TBL1XR1: variants seen among roughly 807,000 people sequenced by gnomAD.
TBL1XR1 encodes the protein TBL1X/Y related 1, also known as F-box-like/WD repeat-containing protein TBL1XR1.
TBL1XR1 carries 5 observed loss-of-function variants against 66.9 expected under a neutral mutation model. That is an observed-to-expected ratio of 0.07 (90% confidence interval 0.04 to 0.16). The LOEUF is 0.16. TBL1XR1 is among the 10% of genes least tolerant of loss of function. TBL1XR1 has a pLI of 1.00. For synonymous variants in TBL1XR1, 210 were observed against 206.0 expected (o/e 1.02, Z -0.17); for missense variants, 238 against 623.2 (o/e 0.38, Z 6.58).
At chr3:177,084,891 T>C (rs929948372) in intron 2 of TBL1XR1, among the ~76,000 whole-genome samples, 16 of 152,224 alleles carry the variant, frequency 1.1e-4, no homozygotes, top group African/African-American at 3.9e-4. Context: ...CCAGAAATTG[T>C]AGTTACTATT....
At chr3:177,150,733 G>A (rs1018631973) in intron 1 of TBL1XR1, among the ~76,000 whole-genome samples, 4 of 152,154 alleles carry the variant, frequency 2.6e-5, no homozygotes, top group South Asian at 2.1e-4. Context: ...CTGTTTAGGT[G>A]CCATGCAGCT....
At chr3:177,167,572 G>A (rs1040349773) in intron 1 of TBL1XR1, among the ~76,000 whole-genome samples, 2 of 152,168 alleles carry the variant, frequency 1.3e-5, no homozygotes, top group Non-Finnish European at 2.9e-5. Context: ...ACGAGGCAGA[G>A]GGTATGGAAA....
rs113422619 is a variant in TBL1XR1, at chr3:177,184,627, T to A, written c.-122+12494A>T. Among the ~76,000 whole-genome samples, 7,290 of 151,936 alleles carry A rather than the reference T, an allele frequency of 0.048. 780 individuals carry two copies. The East Asian group carries it at 0.49, about 10-fold the overall frequency. On this transcript the variant is annotated intron_variant, in intron 1 of 15. Transcript: ENST00000457928. The stretch of plus-strand genomic sequence containing the variant: ...GACCAGCTTGTCCAACATGGTGAAA[T>A]CCCGTCTCTACTAAAAATACAAAAT...
At position 177,038,107 on chromosome 3, in the gene TBL1XR1, C is replaced by A; in HGVS notation, c.1113G>T (p.Met371Ile). The A allele has an allele frequency of 6.2e-7, 1 of 1,612,286 alleles. No homozygotes were observed. The highest frequency in any genetic ancestry group is 1.1e-5 in the South Asian group (1 of 90,976). The change falls in exon 12 of 16, where the codon ATG becomes ATT. Residue 371 changes from methionine (M) to isoleucine (I), a missense_variant. This residue lies in a region of TBL1XR1 where 89 missense variants were observed against 220.2 expected (regional missense o/e 0.40). Transcript: ENST00000457928. ...GNLLASCSDDMTLKIWSMKQD... is the reference protein window; with the variant it reads ...GNLLASCSDDITLKIWSMKQD... The stretch of plus-strand genomic sequence containing the variant: ...CTACTAAGCAAATTACCTTTAAAGT[C>A]ATGTCGTCAGAACAGGAGGCCAAGA...
At chr3:177,052,390 A>G (rs1237533887) in intron 4 of TBL1XR1, among the ~76,000 whole-genome samples, 1 of 152,234 alleles carries the variant, frequency 6.6e-6, no homozygotes, top group Non-Finnish European at 1.5e-5. Context: ...GGTTCACTTA[A>G]ACTGGTAAAC....
chr3:177,053,246 A>G (rs906036799), intron 4 of TBL1XR1, among the ~76,000 whole-genome samples: 2 of 152,228 alleles, frequency 1.3e-5, no homozygotes, highest in Non-Finnish European at 2.9e-5. Flanking sequence ...CTATTATGCC[A>G]TAAGTAGCCA....
chr3:177,117,846 C>A (rs944971928), intron 1 of TBL1XR1, among the ~76,000 whole-genome samples: 1 of 152,050 alleles, frequency 6.6e-6, no homozygotes, highest in Admixed American at 6.6e-5. Flanking sequence ...TATTAAAGAG[C>A]AGAATGGGTT....
chr3:177,148,003 A>G (rs1730452697), intron 1 of TBL1XR1, among the ~76,000 whole-genome samples: 1 of 152,244 alleles, frequency 6.6e-6, no homozygotes, highest in Non-Finnish European at 1.5e-5. Context: ...TCTTTCCACC[A>G]TTAAGAAAGT....
Position 177,025,492 on chromosome 3 carries a change from G to C in TBL1XR1, c.*6C>G. 1 of 1,612,520 alleles carries C rather than the reference G, an allele frequency of 6.2e-7. No homozygotes were observed. Among genetic ancestry groups the C allele is most frequent in the Non-Finnish European group, 8.5e-7 (1 of 1,179,524 alleles). On this transcript the variant is annotated 3_prime_UTR_variant, in exon 16 of 16. Transcript: ENST00000457928. Reference sequence around the variant, plus strand: ...ATAGTCGGTCCATGGCTTCCAACTAGTAGCGCTATTTCCGAAGGTCTAATA... The same window carrying C: ...ATAGTCGGTCCATGGCTTCCAACTACTAGCGCTATTTCCGAAGGTCTAATA...
intron 13 of TBL1XR1, among the ~76,000 whole-genome samples, chr3:177,033,513 C>CT (rs147850107): frequency 2.1e-3 from 319 of 149,794 alleles, no homozygotes; most frequent in Admixed American, 2.9e-3. Flanking sequence ...TTCCATTTAT[C>CT]TTTTTTTTTT....
chr3:177,073,173 C>A (rs1465465475), intron 2 of TBL1XR1, among the ~76,000 whole-genome samples: 1 of 152,148 alleles, frequency 6.6e-6, no homozygotes, highest in Non-Finnish European at 1.5e-5. Flanking sequence ...TCTTTGAGAT[C>A]ATCAATAAAT....
chr3:177,061,836 T>C (rs894370656), intron 3 of TBL1XR1, among the ~76,000 whole-genome samples: 3 of 152,202 alleles, frequency 2.0e-5, no homozygotes, highest in Non-Finnish European at 4.4e-5. Flanking sequence ...ACCCAGACAT[T>C]ACTGTACTTG....
chr3:177,156,551 A>ACT (rs1560239293), intron 1 of TBL1XR1, among the ~76,000 whole-genome samples: 24 of 146,694 alleles, frequency 1.6e-4, no homozygotes, highest in African/African-American at 5.2e-4. Context: ...ACACACACTT[A>ACT]TATATATATA....
At chr3:177,194,678 C>T (rs1354202746) in intron 1 of TBL1XR1, among the ~76,000 whole-genome samples, 2 of 149,820 alleles carry the variant, frequency 1.3e-5, no homozygotes, top group South Asian at 2.1e-4. Flanking sequence ...TTTATCAGTA[C>T]CCCTTATATT....
At chr3:177,086,342 T>A (rs1241584526) in intron 2 of TBL1XR1, among the ~76,000 whole-genome samples, 1 of 152,058 alleles carries the variant, frequency 6.6e-6, no homozygotes, top group Non-Finnish European at 1.5e-5. Flanking sequence ...TGACTAGTCT[T>A]ATGTCCAAGT....
chr3:177,073,838 G>C (rs7648272), intron 2 of TBL1XR1, among the ~76,000 whole-genome samples: 37,387 of 152,100 alleles, frequency 0.25, 4,959 homozygotes, highest in East Asian at 0.5. Context: ...GTGGGATTCA[G>C]CACGTTTTTG....
At chr3:177,186,099 C>A (rs530085107) in intron 1 of TBL1XR1, among the ~76,000 whole-genome samples, 51 of 152,172 alleles carry the variant, frequency 3.4e-4, no homozygotes, top group Non-Finnish European at 6.8e-4. Flanking sequence ...GCCAGCAGGA[C>A]ACAAGGAAGT....
intron 1 of TBL1XR1, among the ~76,000 whole-genome samples, chr3:177,139,320 G>A (rs889747184): frequency 1.3e-5 from 2 of 152,288 alleles, no homozygotes; most frequent in Non-Finnish European, 2.9e-5. Flanking sequence ...TCAGAAGTTC[G>A]AGACCAGCCT....
At chr3:177,084,041 T>C (rs891075257) in intron 2 of TBL1XR1, among the ~76,000 whole-genome samples, 8 of 147,548 alleles carry the variant, frequency 5.4e-5, no homozygotes, top group East Asian at 2.0e-4. Flanking sequence ...TGAGCCCAGA[T>C]TGCCCCACTG....
Sources: allele counts gnomAD v4.1 joint callset (sites outside exome capture counted in the v4.1 genomes callset), GRCh38; gene constraint gnomAD v4.1.1; regional missense constraint gnomAD v4.1.1; transcripts MANE v1.5; gene names NCBI Gene and HGNC (gene_info 2026-07-23, HGNC 2026-07-21).